The following GNG7 variants were observed in gnomAD, a reference collection of about 807,000 sequenced individuals.
GNG7 encodes G protein subunit gamma 7, also known as guanine nucleotide-binding protein G(I)/G(S)/G(O) subunit gamma-7.
A neutral mutation model predicts 4.0 loss-of-function variants in GNG7; 1 was observed. The ratio of observed to expected loss-of-function variants is 0.25; its 90% confidence interval spans 0.09 to 1.18. The LOEUF (loss-of-function observed/expected upper bound fraction) is 1.18. Among genes scored for constraint, GNG7 ranks in the 50% most tolerant of loss-of-function variants. The probability of loss-of-function intolerance (pLI) is 0.50; values close to 1 mark genes in which losing one functional copy is unlikely to be tolerated. For missense variants in GNG7, 86 were observed against 91.9 expected (o/e 0.94, Z 0.26); for synonymous variants, 34 against 36.9 (o/e 0.92, Z 0.29).
rs568139563 is a variant in GNG7 at position 2,537,415 on chromosome 19, T to C, written c.-37-16690A>G. Among the ~76,000 whole-genome samples the C allele has an allele frequency of 2.6e-5, 4 of 152,142 alleles. No homozygotes were observed. The South Asian group carries it at 8.3e-4, about 32-fold the overall frequency. ...TGCATGCCACTAGGCCTGGCTAGTTTTTTATTTTTTGTAGAGATGAAGTCT... is the reference window on the plus strand; with the variant it reads ...TGCATGCCACTAGGCCTGGCTAGTTCTTTATTTTTTGTAGAGATGAAGTCT... On this transcript the variant is annotated intron_variant, in intron 3 of 4. Transcript: ENST00000382159.
At chr19:2,657,361 AATATATATAT>A (rs869231931) in intron 1 of GNG7, among the ~76,000 whole-genome samples, 59 of 16,306 alleles carry the variant, frequency 3.6e-3, no homozygotes, top group African/African-American at 0.013. Flanking sequence ...AAAAAAAAAA[AATATATATAT>A]ATATATATAT....
intron 2 of GNG7, among the ~76,000 whole-genome samples, chr19:2,571,500 C>T (rs1219755040): frequency 2.7e-5 from 4 of 150,434 alleles, no homozygotes; most frequent in South Asian, 2.1e-4. Context: ...GGATGGGTAG[C>T]GTGCAGGGGT....
chr19:2,618,938 T>C lies in GNG7; in HGVS notation c.-78+27286A>G, dbSNP rs1981794975. 6.6e-6 allele frequency among the ~76,000 whole-genome samples: 1 copy of C among 152,214 alleles called. No individual in the cohort carries two copies. The highest frequency in any genetic ancestry group is 2.4e-5 in the African/African-American group (1 of 41,462). ...ACCGTCCCATCTCCGTGGGTTCCTC[T>C]GGGCTCTCAGTTTCTTGGTCTTTCT... On this transcript the variant is annotated intron_variant, in intron 2 of 4. Coordinates refer to ENST00000382159, the MANE Select transcript of GNG7 (RefSeq NM_052847.3). This position sits in a 1 kb window ranked among gnomAD's most constrained non-coding sequence, Gnocchi z 5.1.
rs1400198742 is a variant in GNG7, at chr19:2,634,950, G to A, written c.-78+11274C>T. On this transcript the variant is annotated intron_variant, in intron 2 of 4. Transcript: ENST00000382159. The surrounding 1 kb of genome is among the most constrained non-coding windows in gnomAD (Gnocchi z 5.3). ...CCAGAAAAACACACTCGGTGATCTG[G>A]AGGTCGCAAAGTTCTTCCGCACTCA... is the stretch of plus-strand genomic sequence containing the variant. Among the ~76,000 whole-genome samples the A allele has an allele frequency of 6.6e-6, 1 of 152,148 alleles. No individual in the cohort carries two copies. Among genetic ancestry groups the A allele is most frequent in the Non-Finnish European group, 1.5e-5 (1 of 68,026 alleles).
At chr19:2,562,933 T>A (rs1979788008) in intron 2 of GNG7, among the ~76,000 whole-genome samples, 1 of 133,828 alleles carries the variant, frequency 7.5e-6, no homozygotes, top group Non-Finnish European at 1.7e-5. Flanking sequence ...ACAGATTCAA[T>A]CTTTTTCTTT....
chr19:2,568,160 CAT>C, intron 2 of GNG7, among the ~76,000 whole-genome samples: 1 of 137,218 alleles, frequency 7.3e-6, no homozygotes, highest in African/African-American at 3.4e-5. Context: ...CACACATACA[CAT>C]ACATACACAC....
In GNG7 at chr19:2,655,838, G is replaced by GA. The variant is rs56041767; in HGVS notation, c.-134-9559dup. ...TGGGTGACGGAGAGAGGCTCCGTCT[G>GA]AAAAAAAAAAAAAAAAAAAAAATAC... On this transcript the variant is annotated intron_variant, in intron 1 of 4. Transcript: ENST00000382159. Among the ~76,000 whole-genome samples, 480 of 54,732 alleles carry GA rather than the reference G, an allele frequency of 8.8e-3. 13 individuals carry two copies. The highest frequency in any genetic ancestry group is 0.014 in the South Asian group (18 of 1,286). The allele number at this position is 54,732 out of a possible 152,430, so 35.9% of individuals were successfully genotyped here. A position where few individuals can be genotyped will look rare whatever the true frequency, so the allele number is the denominator to read the frequency against.
chr19:2,524,744 A>C (rs1023934665), intron 3 of GNG7, among the ~76,000 whole-genome samples: 11 of 152,136 alleles, frequency 7.2e-5, no homozygotes, highest in African/African-American at 2.7e-4. Context: ...GTGTATGTGC[A>C]CGTGTGTGGA....
At position 2,579,943 on chromosome 19, in the gene GNG7, G is replaced by C. The variant is rs1211739418; in HGVS notation, c.-77-24755C>G. Among the ~76,000 whole-genome samples, 3 of 152,280 alleles carry C rather than the reference G, an allele frequency of 2.0e-5. No homozygotes were observed. In the South Asian group the frequency reaches 6.2e-4, roughly 32 times the overall value. On this transcript the variant is annotated intron_variant, in intron 2 of 4. Transcript: ENST00000382159. The stretch of plus-strand genomic sequence containing the variant: ...CCCTCCAGAGGTTCCAGGGGAGAAC[G>C]CTTTCTGCCTCCTCCAGTTCTGGGG...
intron 1 of GNG7, among the ~76,000 whole-genome samples, chr19:2,652,764 C>A (rs1421664349): frequency 6.6e-6 from 1 of 152,058 alleles, no homozygotes; most frequent in Non-Finnish European, 1.5e-5. Context: ...AGAGATGTCA[C>A]TGTAGCCTGT....
chr19:2,623,742 A>C (rs60677855), intron 2 of GNG7, among the ~76,000 whole-genome samples: 2 of 152,028 alleles, frequency 1.3e-5, no homozygotes, highest in African/African-American at 4.8e-5. Flanking sequence ...TTAGCCGGGC[A>C]TAGTGGCAGG....
chr19:2,632,475 C>A (rs4524056), intron 2 of GNG7: 3,795 of 51,174 alleles, frequency 0.074, 108 homozygotes, highest in African/African-American at 0.38. Context: ...AAACAAAACT[C>A]ACACACACAC....
In GNG7 at chr19:2,661,302, G is replaced by GAAAGAAAAAGAA; in HGVS notation, c.-134-15023_-134-15022insTTCTTTTTCTTT. ...AGAAAGAAAGAAAGAAAGAAAGAAA[G>GAAAGAAAAAGAA]AGAAAGAAAGAAAGAAAGAAAGAAA... On this transcript the variant is annotated intron_variant, in intron 1 of 4. Coordinates refer to ENST00000382159, the MANE Select transcript of GNG7 (RefSeq NM_052847.3). Among the ~76,000 whole-genome samples, 9 of 73,122 alleles carry GAAAGAAAAAGAA rather than the reference G, an allele frequency of 1.2e-4. 1 individual carries two copies. The highest frequency in any genetic ancestry group is 2.1e-4 in the Non-Finnish European group (8 of 37,334). 48.0% of individuals were successfully genotyped at this position (73,122 alleles called of 152,430 possible).
At chr19:2,568,789 CAT>C (rs61554552) in intron 2 of GNG7, among the ~76,000 whole-genome samples, 28,504 of 151,370 alleles carry the variant, frequency 0.19, 2,837 homozygotes, top group Middle Eastern at 0.27. Context: ...CACATACACA[CAT>C]ATACACGCAC....
At chr19:2,568,568 CACAT>C (rs1329833660) in intron 2 of GNG7, among the ~76,000 whole-genome samples, 1 of 150,140 alleles carries the variant, frequency 6.7e-6, no homozygotes, top group Non-Finnish European at 1.5e-5. Flanking sequence ...CACATATACA[CACAT>C]ACACATGCAC....
chr19:2,513,061 G>C lies in GNG7; in HGVS notation c.*1961C>G. Reference sequence around the variant, plus strand: ...CCTGCCGTAGAGAGCTGGGTGCCGGGGGTGGGGAGCCCGGCTGTGGCCTGT... The same window carrying C: ...CCTGCCGTAGAGAGCTGGGTGCCGGCGGTGGGGAGCCCGGCTGTGGCCTGT... On this transcript the variant is annotated 3_prime_UTR_variant, in exon 5 of 5. Transcript: ENST00000382159. The C allele has an allele frequency of 1.0e-6, 1 of 985,616 alleles. No homozygotes were observed. The highest frequency in any genetic ancestry group is 1.2e-6 in the Non-Finnish European group (1 of 830,078). The allele number at this position is 985,616 out of a possible 1,614,324, so 61.1% of individuals were successfully genotyped here. A position where few individuals can be genotyped will look rare whatever the true frequency, so the allele number is the denominator to read the frequency against.
intron 3 of GNG7, among the ~76,000 whole-genome samples, chr19:2,536,366 C>G (rs10422726): frequency 1.3e-5 from 2 of 150,602 alleles, no homozygotes; most frequent in African/African-American, 4.9e-5. Context: ...TGCAGTGAGC[C>G]GAGATTGCAC....
intron 1 of GNG7, among the ~76,000 whole-genome samples, chr19:2,694,511 C>G (rs978265745): frequency 1.3e-5 from 2 of 151,348 alleles, no homozygotes; most frequent in African/African-American, 4.9e-5. Context: ...CCCCTATCTG[C>G]AGTACTAAGA....
intron 3 of GNG7, among the ~76,000 whole-genome samples, chr19:2,553,467 T>C (rs947652830): frequency 1.4e-5 from 2 of 147,260 alleles, no homozygotes; most frequent in African/African-American, 5.0e-5. Context: ...TATTATGTTA[T>C]ATATTATATA....
Sources: allele counts gnomAD v4.1 joint callset (sites outside exome capture counted in the v4.1 genomes callset), GRCh38; gene constraint gnomAD v4.1.1; non-coding constraint Gnocchi (gnomAD v3.1); transcripts MANE v1.5; gene names NCBI Gene and HGNC (gene_info 2026-07-23, HGNC 2026-07-21).